KLF13: variants seen among roughly 807,000 people sequenced by gnomAD.
The protein encoded by KLF13 is KLF transcription factor 13.
A neutral mutation model predicts 16.7 loss-of-function variants in KLF13; 8 were observed. That is an observed-to-expected ratio of 0.48 (90% CI 0.28 to 0.87). The LOEUF (loss-of-function observed/expected upper bound fraction) is 0.87, where lower values mean the gene tolerates loss of function less well. Ranked by LOEUF, KLF13 falls within the 40% of genes least tolerant of loss-of-function variation. The probability of loss-of-function intolerance (pLI) is 0.10; values close to 1 mark genes in which losing one functional copy is unlikely to be tolerated. For synonymous variants in KLF13, 245 were observed against 208.4 expected, an observed-to-expected ratio of 1.18 and a Z score of -1.51; for missense variants, 447 against 452.2, an observed-to-expected ratio of 0.99 and a Z score of 0.10.
At chr15:31,367,601 C>T (rs997133589) in intron 1 of KLF13, among the ~76,000 whole-genome samples, 1 of 152,194 alleles carries the variant, frequency 6.6e-6, no homozygotes, top group African/African-American at 2.4e-5. Context: ...AGCTAAAGGA[C>T]AAGGCTCCTC....
intron 1 of KLF13, among the ~76,000 whole-genome samples, chr15:31,431,228 T>C (rs993731596): frequency 2.0e-5 from 3 of 152,020 alleles, no homozygotes; most frequent in Admixed American, 6.6e-5. Context: ...CCAACTATCC[T>C]GGCACCTTGA....
At chr15:31,434,086 C>G (rs1212245571) in intron 1 of KLF13, among the ~76,000 whole-genome samples, 2 of 152,170 alleles carry the variant, frequency 1.3e-5, no homozygotes, top group Non-Finnish European at 2.9e-5. Flanking sequence ...GGGTAAGAGG[C>G]CTGCCATCAT....
intron 1 of KLF13, among the ~76,000 whole-genome samples, chr15:31,364,194 T>TTTTCTGTATGAA (rs1287343818): frequency 2.6e-5 from 4 of 152,246 alleles, no homozygotes; most frequent in African/African-American, 9.6e-5. Flanking sequence ...GTATGAATTT[T>TTTTCTGTATGAA]TAGGATCAAG....
rs1268695668 is a variant in KLF13 at position 31,375,269 on chromosome 15, G to GA, written c.*2972dup. 3 of 152,266 alleles carry GA rather than the reference G, an allele frequency of 2.0e-5. No homozygotes were observed. Among genetic ancestry groups the GA allele is most frequent in the Non-Finnish European group, 4.4e-5 (3 of 68,052 alleles). The allele number at this position is 152,266 out of a possible 1,614,324, so 9.4% of individuals were successfully genotyped here. On this transcript the variant is annotated 3_prime_UTR_variant, in exon 2 of 2. Coordinates refer to ENST00000307145, the MANE Select transcript of KLF13 (RefSeq NM_015995.4). ...CATCATGAAGTGAGGGACTCCTGTG[G>GA]AAGAGGGTGGTGGGCCTTGGAACGC...
chr15:31,371,871 G>C, intron 1 of KLF13, 139 bp from the exon 2 acceptor site: 1 of 990,802 alleles, frequency 1.0e-6, no homozygotes, highest in Non-Finnish European at 1.5e-6. Flanking sequence ...TGATGGATTT[G>C]TCACAGAAGC....
At chr15:31,354,096 A>G (rs563799864) in intron 1 of KLF13, among the ~76,000 whole-genome samples, 4 of 152,242 alleles carry the variant, frequency 2.6e-5, no homozygotes, top group Non-Finnish European at 4.4e-5. Flanking sequence ...ATCCCTACCC[A>G]GCTTGGCCCC....
chr15:31,328,225 C>T (rs1294938498), intron 1 of KLF13, among the ~76,000 whole-genome samples: 7 of 151,056 alleles, frequency 4.6e-5, no homozygotes, highest in African/African-American at 1.7e-4. Flanking sequence ...GTTTCCTCCC[C>T]CGCTGCCCGG....
chr15:31,404,196 G>C (rs974060396), exon 3 of KLF13: 2 of 152,260 alleles, frequency 1.3e-5, no homozygotes, highest in African/African-American at 4.8e-5. Context: ...AGGCATGATG[G>C]TGTTGGTTTA....
At chr15:31,362,393 G>A (rs1409444115) in intron 1 of KLF13, among the ~76,000 whole-genome samples, 1 of 152,138 alleles carries the variant, frequency 6.6e-6, no homozygotes. Flanking sequence ...CTATTTTTGA[G>A]TTTCTCATCC....
At chr15:31,428,820 A>AAAAAAGAAAAAAAAAAAG (rs2040433190) in intron 1 of KLF13, among the ~76,000 whole-genome samples, 1 of 72,650 alleles carries the variant, frequency 1.4e-5, no homozygotes, top group Non-Finnish European at 2.3e-5. Flanking sequence ...AAAAAAAAAA[A>AAAAAAGAAAAAAAAAAAG]AAAAAGAAAA....
At chr15:31,424,167 G>A (rs770678673) in intron 1 of KLF13, among the ~76,000 whole-genome samples, 1 of 151,768 alleles carries the variant, frequency 6.6e-6, no homozygotes, top group Non-Finnish European at 1.5e-5. Context: ...ACTTAAAAAA[G>A]AATTAATATA....
chr15:31,355,417 A>G (rs557345482), intron 1 of KLF13, among the ~76,000 whole-genome samples: 2 of 152,342 alleles, frequency 1.3e-5, no homozygotes, highest in South Asian at 2.1e-4. Flanking sequence ...TATGTTAAAA[A>G]TTGTGTTAGA....
intron 1 of KLF13, among the ~76,000 whole-genome samples, chr15:31,359,628 C>T (rs899401020): frequency 2.6e-5 from 4 of 152,234 alleles, no homozygotes; most frequent in Non-Finnish European, 4.4e-5. Flanking sequence ...ACACAAATCC[C>T]ATCTTCCTGA....
At chr15:31,336,819 G>A (rs560955670) in intron 1 of KLF13, among the ~76,000 whole-genome samples, 18 of 152,176 alleles carry the variant, frequency 1.2e-4, no homozygotes, top group Non-Finnish European at 2.5e-4. Context: ...CTGGGCCACT[G>A]GCTGGGGTGC....
intron 1 of KLF13, among the ~76,000 whole-genome samples, chr15:31,341,315 C>T (rs191631359): frequency 6.6e-6 from 1 of 152,018 alleles, no homozygotes; most frequent in East Asian, 1.9e-4. Flanking sequence ...GGGTGAGGCA[C>T]CCAGTAGGAG....
chr15:31,381,065 G>A (rs1428352894), downstream of KLF13, among the ~76,000 whole-genome samples: 1 of 151,798 alleles, frequency 6.6e-6, no homozygotes. Flanking sequence ...CCAGCTACTC[G>A]GGAGGCTGAG....
rs2038718529 is a variant in KLF13 at position 31,326,972 on chromosome 15, G to T, written c.-241G>T. 1 of 164,910 alleles carries T rather than the reference G, an allele frequency of 6.1e-6. No homozygotes were observed. Among genetic ancestry groups the T allele is most frequent in the African/African-American group, 2.4e-5 (1 of 41,420 alleles). The allele number at this position is 164,910 out of a possible 1,614,324, so 10.2% of individuals were successfully genotyped here. On this transcript the variant is annotated 5_prime_UTR_variant, in exon 1 of 2. Transcript: ENST00000307145. ...CCGGCCGCCCCTGACGCCGCGCGGG[G>T]ACCCCAGTCGCCCGCGCGCCCCATG...
intron 1 of KLF13, among the ~76,000 whole-genome samples, chr15:31,337,659 C>T (rs777543539): frequency 6.6e-6 from 1 of 152,214 alleles, no homozygotes; most frequent in African/African-American, 2.4e-5. Flanking sequence ...CAGTATAGTA[C>T]TGTCCTGAAT....
intron 2 of KLF13, among the ~76,000 whole-genome samples, chr15:31,402,940 AGCAGCCTCGCTATCCCTT>A (rs145138903): frequency 2.6e-5 from 4 of 152,032 alleles, no homozygotes; most frequent in Admixed American, 1.3e-4. Context: ...TTCTTTCGTA[AGCAGCCTCGCTATCCCTT>A]GCAGCCACAG....
Sources: gnomAD v4.1 joint callset for allele counts (sites outside exome capture counted in the v4.1 genomes callset) on GRCh38, gnomAD v4.1.1 for gene constraint, MANE v1.5 for transcripts, NCBI Gene and HGNC (gene_info 2026-07-23, HGNC 2026-07-21) for gene names.